FOCAD: variants seen among roughly 807,000 people sequenced by gnomAD.
FOCAD encodes focadhesin, also known as KIAA1797.
Under a neutral mutation model 225.6 loss-of-function variants are expected in FOCAD, and 198 were observed. The ratio of observed to expected loss-of-function variants is 0.88; its 90% CI spans 0.78 to 0.99. The LOEUF (loss-of-function observed/expected upper bound fraction) is 0.99, where lower values mean the gene tolerates loss of function less well. Ranked by LOEUF, FOCAD falls within the 50% of genes least tolerant of loss-of-function variation. FOCAD has a pLI of 0.00. For synonymous variants in FOCAD, 897 were observed against 755.0 expected (o/e 1.19, Z -3.08); for missense variants, 2,713 against 2,123.6 (o/e 1.28, Z -5.46).
intron 5 of FOCAD, among the ~76,000 whole-genome samples, chr9:20,748,221 A>AT (rs1828232089): frequency 6.6e-6 from 1 of 152,030 alleles, no homozygotes; most frequent in African/African-American, 2.4e-5. Context: ...TTTTATTTTT[A>AT]TTTTGCTGAA....
intron 1 of FOCAD, among the ~76,000 whole-genome samples, chr9:20,707,078 T>A (rs1260306575): frequency 6.6e-6 from 1 of 152,190 alleles, no homozygotes; most frequent in Non-Finnish European, 1.5e-5. Flanking sequence ...TGTAATGAAG[T>A]TGTTCAGGTT....
chr9:20,915,312 C>G (rs1299430529), intron 23 of FOCAD, among the ~76,000 whole-genome samples: 1 of 152,056 alleles, frequency 6.6e-6, no homozygotes, highest in Non-Finnish European at 1.5e-5. Context: ...AGCCCTGATT[C>G]TATATTTAAA....
intron 8 of FOCAD, 27 bp from the exon 9 acceptor site, chr9:20,778,654 C>T: frequency 7.5e-7 from 1 of 1,329,982 alleles, no homozygotes; most frequent in Non-Finnish European, 1.1e-6. Context: ...TCTTTAACAA[C>T]TCCTTTTTCC....
At chr9:20,885,474 C>G (rs1831033856) in intron 21 of FOCAD, 1 of 232,604 alleles carries the variant, frequency 4.3e-6, no homozygotes, top group African/African-American at 2.3e-5. Flanking sequence ...ATTTGCTTTA[C>G]TTCATCAATG....
chr9:20,662,744 C>T (rs1190091085), intron 2 of FOCAD, among the ~76,000 whole-genome samples: 1 of 152,166 alleles, frequency 6.6e-6, no homozygotes, highest in East Asian at 1.9e-4. Flanking sequence ...GCCACGGCAC[C>T]CAGCCAGATA....
chr9:20,955,078 G>T (rs779353222), intron 35 of FOCAD, among the ~76,000 whole-genome samples: 3 of 152,232 alleles, frequency 2.0e-5, no homozygotes, highest in Non-Finnish European at 4.4e-5. Context: ...CGGTGGGACT[G>T]CTGATAGGAA....
chr9:20,921,172 G>A (rs1284425895), intron 24 of FOCAD, among the ~76,000 whole-genome samples: 1 of 151,988 alleles, frequency 6.6e-6, no homozygotes, highest in Non-Finnish European at 1.5e-5. Context: ...TTATTAAACA[G>A]ATTTAAACCT....
chr9:20,818,923 T>A (rs1336373902), intron 11 of FOCAD, among the ~76,000 whole-genome samples: 1 of 152,138 alleles, frequency 6.6e-6, no homozygotes, highest in African/African-American at 2.4e-5. Context: ...GGAATTTTGA[T>A]AAAGATTGCA....
intron 30 of FOCAD, 79 bp from the exon 31 acceptor site, chr9:20,948,190 TTA>T: frequency 1.5e-6 from 2 of 1,317,398 alleles, no homozygotes; most frequent in South Asian, 1.5e-5. Flanking sequence ...CTAAAAGTGT[TTA>T]TGTTGCTATT....
intron 15 of FOCAD, among the ~76,000 whole-genome samples, chr9:20,841,053 G>C (rs1296494906): frequency 6.6e-6 from 1 of 151,848 alleles, no homozygotes; most frequent in Non-Finnish European, 1.5e-5. Flanking sequence ...TGAACCATCT[G>C]TGCATTCCTG....
At position 20,697,912 on chromosome 9, in the gene FOCAD, A is replaced by G. The variant is rs372078887; in HGVS notation, c.-33+13619A>G. On this transcript the variant is annotated intron_variant, in intron 1 of 43. Coordinates refer to ENST00000338382, the MANE Select transcript of FOCAD (RefSeq NM_001375567.1). Reference sequence around the variant, plus strand: ...ATTTAGAATCAAAGGTAATTCTGTTAGCTTACTTGTTTGGAACTCTGCAGG... The same window carrying G: ...ATTTAGAATCAAAGGTAATTCTGTTGGCTTACTTGTTTGGAACTCTGCAGG... Among the ~76,000 whole-genome samples, 274 of 152,346 alleles carry G rather than the reference A, an allele frequency of 1.8e-3. 7 individuals are homozygous for G. The South Asian group carries it at 0.053, about 30-fold the overall frequency.
intron 8 of FOCAD, among the ~76,000 whole-genome samples, chr9:20,773,971 T>C (rs996675631): frequency 1.6e-4 from 25 of 152,326 alleles, no homozygotes; most frequent in African/African-American, 6.0e-4. Flanking sequence ...TGAGCCAGCA[T>C]TACTGCCTAA....
At chr9:20,940,923 T>C (rs1328950636) in intron 28 of FOCAD, among the ~76,000 whole-genome samples, 1 of 152,194 alleles carries the variant, frequency 6.6e-6, no homozygotes, top group African/African-American at 2.4e-5. Context: ...ACTGTGTATT[T>C]ATTTTTTTTC....
intron 11 of FOCAD, among the ~76,000 whole-genome samples, chr9:20,800,670 A>T (rs1048651427): frequency 1.2e-4 from 18 of 152,130 alleles, no homozygotes; most frequent in African/African-American, 3.9e-4. Context: ...TTCGTCAAAT[A>T]GTTCTCGTGC....
chr9:20,907,373 CATAAA>C, intron 22 of FOCAD, 131 bp downstream of exon 22: 1 of 754,572 alleles, frequency 1.3e-6, no homozygotes, highest in South Asian at 1.6e-5. Context: ...TATTTTTACT[CATAAA>C]AGAATGTGAG....
At chr9:20,718,058 T>G (rs1176284228) in intron 3 of FOCAD, among the ~76,000 whole-genome samples, 190 bp downstream of exon 3, 2 of 152,162 alleles carry the variant, frequency 1.3e-5, no homozygotes, top group Admixed American at 1.3e-4. Flanking sequence ...AGTTTTAAAT[T>G]TATTAAAACC....
intron 24 of FOCAD, among the ~76,000 whole-genome samples, chr9:20,920,764 G>A (rs1369957522): frequency 2.0e-5 from 3 of 151,372 alleles, no homozygotes; most frequent in Non-Finnish European, 4.4e-5. Context: ...ATTGAACAAT[G>A]AGAACACATG....
chr9:20,845,808 T>C (rs1827048295), intron 15 of FOCAD, among the ~76,000 whole-genome samples: 1 of 152,104 alleles, frequency 6.6e-6, no homozygotes, highest in African/African-American at 2.4e-5. Context: ...GAAAACATTG[T>C]TGACCATTGT....
intron 21 of FOCAD, among the ~76,000 whole-genome samples, chr9:20,903,006 A>G (rs1421391427): frequency 2.0e-5 from 3 of 151,976 alleles, no homozygotes; most frequent in African/African-American, 4.8e-5. Context: ...ATATGAATAC[A>G]CTAGAGTTCT....
Sources: gnomAD v4.1 joint callset for allele counts (sites outside exome capture counted in the v4.1 genomes callset) on GRCh38, gnomAD v4.1.1 for gene constraint, MANE v1.5 for transcripts, NCBI Gene and HGNC (gene_info 2026-07-23, HGNC 2026-07-21) for gene names.